The following WFS1 variants were observed in gnomAD, a reference collection of about 807,000 sequenced individuals.
WFS1 encodes the protein wolframin ER transmembrane glycoprotein.
A neutral mutation model predicts 68.5 loss-of-function variants in WFS1; 90 were observed. The ratio of observed to expected loss-of-function variants is 1.31; its 90% confidence interval spans 1.11 to 1.56. The LOEUF is 1.56. Ranked by LOEUF, WFS1 falls within the 40% of genes most tolerant of loss-of-function variation. WFS1 has a pLI of 0.00. For synonymous variants in WFS1, 860 were observed against 540.7 expected (o/e 1.59, Z -8.19); for missense variants, 1,767 against 1,232.6 (o/e 1.43, Z -6.49).
intron 2 of WFS1, among the ~76,000 whole-genome samples, chr4:6,281,732 A>G (rs1215767744): frequency 6.6e-6 from 1 of 152,060 alleles, no homozygotes; most frequent in Non-Finnish European, 1.5e-5. Context: ...GGGGACAGGC[A>G]CAGCAGGAGG....
intron 2 of WFS1, among the ~76,000 whole-genome samples, chr4:6,286,597 C>T (rs866452704): frequency 6.6e-6 from 1 of 152,200 alleles, no homozygotes; most frequent in South Asian, 2.1e-4. Flanking sequence ...GATGTATATA[C>T]ACTGATTATA....
Position 6,272,836 on chromosome 4 carries a change from A to G in WFS1, c.-6+2822A>G, listed in dbSNP as rs531312712. On this transcript the variant is annotated intron_variant, in intron 1 of 7. Transcript: ENST00000226760. ...TTCTGCTGCTTTAAATCCTGCCTTA[A>G]CAGTGTTAGGCCCACCTTTTCCTTG... 3.9e-5 allele frequency among the ~76,000 whole-genome samples: 6 copies of G among 152,298 alleles called. No individual in the cohort carries two copies. In the East Asian group the frequency reaches 9.6e-4, roughly 24 times the overall value.
intron 3 of WFS1, 137 bp from the exon 4 acceptor site, chr4:6,288,850 T>C: frequency 1.5e-6 from 2 of 1,313,374 alleles, no homozygotes; most frequent in Non-Finnish European, 2.1e-6. Context: ...TGGACATGCC[T>C]GGTGTGACCC....
At chr4:6,278,150 C>T (rs1248958822) in intron 2 of WFS1, among the ~76,000 whole-genome samples, 1 of 152,222 alleles carries the variant, frequency 6.6e-6, no homozygotes, top group East Asian at 1.9e-4. Context: ...CACCTCCATC[C>T]TGAGGCGGGA....
rs556335125 is a variant in WFS1 at position 6,278,888 on chromosome 4, G to A, written c.232+1201G>A. On this transcript the variant is annotated intron_variant, in intron 2 of 7. Coordinates refer to ENST00000226760, the MANE Select transcript of WFS1 (RefSeq NM_006005.3). ...TTCAGGGGAACAGATACCAGGGCTC[G>A]GAAGCTTGGTTTCAATCTGGGTAAT... Among the ~76,000 whole-genome samples, 13 of 152,386 alleles carry A rather than the reference G, an allele frequency of 8.5e-5. No homozygotes were observed. In the South Asian group the frequency reaches 2.3e-3, roughly 27 times the overall value.
At chr4:6,297,282 A>C (rs939601708) in intron 7 of WFS1, among the ~76,000 whole-genome samples, 6 of 152,178 alleles carry the variant, frequency 3.9e-5, no homozygotes, top group Admixed American at 3.3e-4. Flanking sequence ...ATGAATCGTC[A>C]CAAGCGTCTC....
chr4:6,294,986 G>C (rs1439144288), intron 6 of WFS1, 55 bp from the exon 7 acceptor site: 1 of 1,612,048 alleles, frequency 6.2e-7, no homozygotes, highest in Non-Finnish European at 8.5e-7. Context: ...TCTGTGTGAG[G>C]GTGGCAGTGG....
At chr4:6,294,969 C>A (rs1374711153) in intron 6 of WFS1, 72 bp from the exon 7 acceptor site, 1 of 1,609,752 alleles carries the variant, frequency 6.2e-7, no homozygotes, top group Non-Finnish European at 8.5e-7. Context: ...CGTCCCCAGC[C>A]CATTGCTCTG....
At position 6,302,434 on chromosome 4, in the gene WFS1, ACTT is replaced by A. The variant is rs535021228; in HGVS notation, c.2643_2645del (p.Phe884del). On this transcript the variant is annotated inframe_deletion, in exon 8 of 8. Transcript: ENST00000226760. ...CATGGCGCCGTGAAGTTCGCCTTCG[ACTT>A]CTTTTTCTTCCCATTCCTGTCGGCG... is the stretch of plus-strand genomic sequence containing the variant. 8.7e-6 allele frequency: 14 copies of A among 1,613,024 alleles called. No individual in the cohort carries two copies. Among genetic ancestry groups the A allele is most frequent in the African/African-American group, 5.3e-5 (4 of 74,934 alleles).
In WFS1 at chr4:6,301,301, C is replaced by A. The variant is rs773684789; in HGVS notation, c.1506C>A (p.Ser502Arg). ...PVGHLVVLNV[S>R]VPCLLYVYLL... ...GCCACCTGGTCGTCCTCAACGTCAG[C>A]GTCCCGTGCCTGCTCTATGTCTACC... The change falls in exon 8 of 8, where the codon AGC becomes AGA. Residue 502 changes from serine (S) to arginine (R), a missense_variant. Ser to Arg is a moderately radical substitution (Grantham distance 110). Coordinates refer to ENST00000226760, the MANE Select transcript of WFS1 (RefSeq NM_006005.3). 6.2e-7 allele frequency: 1 copy of A among 1,611,194 alleles called. No individual in the cohort carries two copies. The highest frequency in any genetic ancestry group is 1.1e-5 in the South Asian group (1 of 91,088).
intron 7 of WFS1, 103 bp downstream of exon 7, chr4:6,295,292 C>A: frequency 6.9e-7 from 1 of 1,445,858 alleles, no homozygotes; most frequent in Non-Finnish European, 9.6e-7. Context: ...AGGTTCGCGC[C>A]TAACAAAGAG....
At chr4:6,275,918 G>A (rs1247728195) in intron 1 of WFS1, among the ~76,000 whole-genome samples, 1 of 152,202 alleles carries the variant, frequency 6.6e-6, no homozygotes, top group Admixed American at 6.5e-5. Flanking sequence ...TGCCCATGGT[G>A]TCTGGTCTCA....
intron 7 of WFS1, among the ~76,000 whole-genome samples, chr4:6,300,348 C>A (rs1730833321): frequency 6.6e-6 from 1 of 152,136 alleles, no homozygotes; most frequent in African/African-American, 2.4e-5. Flanking sequence ...GTGGGTCCCT[C>A]CAGTGCTGGA....
Position 6,302,579 on chromosome 4 carries a change from C to G in WFS1, c.*111C>G. On this transcript the variant is annotated 3_prime_UTR_variant, in exon 8 of 8. Transcript: ENST00000226760. ...TGCCGCCTGTGCCCACGTGTGCAGACTGTGGCTGCAGAGACCTTGCGACCA... is the reference window on the plus strand; with the variant it reads ...TGCCGCCTGTGCCCACGTGTGCAGAGTGTGGCTGCAGAGACCTTGCGACCA... 2.7e-6 allele frequency: 4 copies of G among 1,504,878 alleles called. No homozygotes were observed. Among genetic ancestry groups the G allele is most frequent in the Admixed American group, 1.8e-5 (1 of 55,348 alleles). The allele number at this position is 1,504,878 out of a possible 1,614,324, so 93.2% of individuals were successfully genotyped here.
In WFS1 at chr4:6,291,278, T is replaced by A; in HGVS notation, c.542T>A (p.Leu181Gln). Residue 181 changes from leucine to glutamine, a missense_variant, in exon 5 of 8, where the codon CTG (leucine) becomes CAG (glutamine). Leu to Gln is a moderately radical substitution (Grantham distance 113). Transcript: ENST00000226760. ...GAGAGGGCCGTGCGCAAGGCAGCCC[T>A]GGTCATGTACTGGAAGCTCAACCCC... ...DLERAVRKAALVMYWKLNPKK... is the reference protein window; with the variant it reads ...DLERAVRKAAQVMYWKLNPKK... The A allele has an allele frequency of 6.2e-7, 1 of 1,613,122 alleles. No individual in the cohort carries two copies. The highest frequency in any genetic ancestry group is 8.5e-7 in the Non-Finnish European group (1 of 1,179,968).
Position 6,275,384 on chromosome 4 carries a change from A to G in WFS1, c.-5-2067A>G, listed in dbSNP as rs139676725. On this transcript the variant is annotated intron_variant, in intron 1 of 7. Transcript: ENST00000226760. Reference sequence around the variant, plus strand: ...GTGTGGGTTCTACGTGCGATCCTGTATTTCTCTGCCACAGCTGACTAAGGG... The same window carrying G: ...GTGTGGGTTCTACGTGCGATCCTGTGTTTCTCTGCCACAGCTGACTAAGGG... Among the ~76,000 whole-genome samples the G allele has an allele frequency of 1.9e-3, 296 of 152,264 alleles. 2 individuals carry two copies. The highest frequency in any genetic ancestry group is 6.8e-3 in the African/African-American group (283 of 41,550).
intron 2 of WFS1, among the ~76,000 whole-genome samples, chr4:6,277,977 C>T (rs546745535): frequency 8.5e-5 from 13 of 152,372 alleles, no homozygotes; most frequent in African/African-American, 2.4e-4. Flanking sequence ...TTTGCAACAG[C>T]GTCCAAACAT....
intron 7 of WFS1, among the ~76,000 whole-genome samples, chr4:6,296,164 GA>G (rs1417036193): frequency 6.6e-6 from 1 of 152,234 alleles, no homozygotes; most frequent in Non-Finnish European, 1.5e-5. Context: ...GCAGCAGGCT[GA>G]AAGGTCACCG....
chr4:6,300,308 T>C (rs1191453361), intron 7 of WFS1, among the ~76,000 whole-genome samples: 2 of 152,050 alleles, frequency 1.3e-5, no homozygotes, highest in African/African-American at 4.8e-5. Context: ...TTCATGTGGG[T>C]GACCCTGAGG....
Sources: gnomAD v4.1 joint callset for allele counts (sites outside exome capture counted in the v4.1 genomes callset) on GRCh38, gnomAD v4.1.1 for gene constraint, MANE v1.5 for transcripts, NCBI Gene and HGNC (gene_info 2026-07-23, HGNC 2026-07-21) for gene names.